NHSL2: variants seen among roughly 807,000 people sequenced by gnomAD.
NHSL2 encodes the protein NHS-like protein 2.
Under a neutral mutation model 53.4 loss-of-function variants are expected in NHSL2, and 27 were observed. The ratio of observed to expected loss-of-function variants is 0.51; its 90% CI spans 0.37 to 0.70. The LOEUF is 0.70. NHSL2 is among the 30% of genes least tolerant of loss of function. The probability of loss-of-function intolerance (pLI) is 0.00; values close to 1 mark genes in which losing one functional copy is unlikely to be tolerated. For missense variants in NHSL2, 892 were observed against 980.1 expected, an observed-to-expected ratio of 0.91 and a Z score of 1.20; for synonymous variants, 408 against 404.1, an observed-to-expected ratio of 1.01 and a Z score of -0.12.
chrX:71,964,029 A>ATATATATGTATATATATG lies in NHSL2; in HGVS notation c.280+52669_280+52670insGTATATATATGTATATAT, dbSNP rs1556312370. Among the ~76,000 whole-genome samples the ATATATATGTATATATATG allele has an allele frequency of 9.3e-3, 298 of 32,059 alleles. 14 individuals are homozygous for ATATATATGTATATATATG. The highest frequency in any genetic ancestry group is 0.05 in the African/African-American group (275 of 5,543). The allele number at this position is 32,059 out of a possible 115,157, so 27.8% of individuals were successfully genotyped here. On this transcript the variant is annotated intron_variant, in intron 1 of 7. Coordinates refer to ENST00000633930, the MANE Select transcript of NHSL2 (RefSeq NM_001013627.3). ...TATATATGTATATATATATATGTGT[A>ATATATATGTATATATATG]TATATATATATATGTATATATATAT... is the stretch of plus-strand genomic sequence containing the variant.
chrX:72,122,483 T>C (rs2042188957), intron 1 of NHSL2, among the ~76,000 whole-genome samples: 1 of 112,805 alleles, frequency 8.9e-6, no homozygotes, highest in African/African-American at 3.2e-5. Context: ...TTTGTTGTTA[T>C]TGCTGGTTTA....
chrX:72,093,314 C>A (rs183477001), intron 1 of NHSL2, among the ~76,000 whole-genome samples: 19 of 112,578 alleles, frequency 1.7e-4, no homozygotes, highest in African/African-American at 6.1e-4. Context: ...GAGTTCTAAT[C>A]TATTCTCTGG....
intron 1 of NHSL2, among the ~76,000 whole-genome samples, chrX:72,032,738 A>G (rs745711458): frequency 1.2e-3 from 138 of 111,185 alleles, no homozygotes; most frequent in Non-Finnish European, 2.3e-3. Context: ...GCTCACCTGT[A>G]GTCCCAGCTC....
rs189396355 is a variant in NHSL2 at position 72,046,234 on chromosome X, C to T, written c.281-85845C>T. Among the ~76,000 whole-genome samples the T allele has an allele frequency of 2.2e-3, 245 of 112,012 alleles. 1 individual carries two copies. Among genetic ancestry groups the T allele is most frequent in the Admixed American group, 3.5e-3 (37 of 10,609 alleles). ...GTCTGATAGGTAAAGGACAGAATCT[C>T]TTAGACAACACCAGGCAACCTGTCT... On this transcript the variant is annotated intron_variant, in intron 1 of 7. Coordinates refer to ENST00000633930, the MANE Select transcript of NHSL2 (RefSeq NM_001013627.3).
intron 1 of NHSL2, among the ~76,000 whole-genome samples, chrX:71,975,794 T>C (rs1415476246): frequency 1.8e-5 from 2 of 111,950 alleles, no homozygotes; most frequent in Non-Finnish European, 3.8e-5. Flanking sequence ...AGAAAGCTGC[T>C]GCTGGCCCTA....
In NHSL2 at chrX:72,134,425, T is replaced by A. The variant is rs1050813192; in HGVS notation, c.565-84T>A. 54 of 899,183 alleles carry A rather than the reference T, an allele frequency of 6.0e-5. No homozygotes were observed. The Admixed American group carries it at 1.0e-3, about 17-fold the overall frequency. 74.1% of individuals were successfully genotyped at this position (899,183 alleles called of 1,213,427 possible). A position where few individuals can be genotyped will look rare whatever the true frequency, so the allele number is the denominator to read the frequency against. On this transcript the variant is annotated intron_variant, in intron 3 of 7. Coordinates refer to ENST00000633930, the MANE Select transcript of NHSL2 (RefSeq NM_001013627.3). ...CTGCCTCCCAGACGAAGCCTCCAAC[T>A]ACCCAGCCTAAACAGCCACCCTATG...
intron 1 of NHSL2, among the ~76,000 whole-genome samples, chrX:72,122,956 C>T (rs1569482013): frequency 8.9e-6 from 1 of 112,750 alleles, no homozygotes; most frequent in African/African-American, 3.2e-5. Context: ...GTAACAAATT[C>T]ACTTTGGAGT....
intron 1 of NHSL2, chrX:72,044,476 T>G (rs940331065): frequency 4.0e-5 from 19 of 473,944 alleles, no homozygotes; most frequent in African/African-American, 3.9e-4. Flanking sequence ...CTGGATGGTT[T>G]GGGATCCCAC....
At chrX:72,112,596 G>A (rs996599798) in intron 1 of NHSL2, among the ~76,000 whole-genome samples, 1 of 112,212 alleles carries the variant, frequency 8.9e-6, no homozygotes, top group African/African-American at 3.2e-5. Flanking sequence ...CATAGAAATG[G>A]AGTCATATAA....
chrX:71,951,005 T>TAC (rs10527333), intron 1 of NHSL2, among the ~76,000 whole-genome samples: 24,130 of 89,410 alleles, frequency 0.27, 2,734 homozygotes, highest in South Asian at 0.42. Context: ...AAATACAAAA[T>TAC]ACACACACAC....
At chrX:72,020,160 A>G (rs974481460) in intron 1 of NHSL2, among the ~76,000 whole-genome samples, 3 of 112,900 alleles carry the variant, frequency 2.7e-5, no homozygotes, top group African/African-American at 9.7e-5. Context: ...ACAGGAAAGT[A>G]CAAAGAAGAA....
rs745962792 is a variant in NHSL2 at position 71,914,355 on chromosome X, TATA to T, written c.280+2991_280+2993del. ...TTCCAACTTCTCCCTTGGAGATCTATATAATGTTTGTAGGTGCTTAGATGATAA... is the reference window on the plus strand; with the variant it reads ...TTCCAACTTCTCCCTTGGAGATCTATATGTTTGTAGGTGCTTAGATGATAA... On this transcript the variant is annotated intron_variant, in intron 1 of 7. Transcript: ENST00000633930. 3.6e-5 allele frequency among the ~76,000 whole-genome samples: 4 copies of T among 112,529 alleles called. No homozygotes were observed. In the South Asian group the frequency reaches 1.5e-3, roughly 41 times the overall value.
rs2042331089 is a variant in NHSL2, at chrX:72,050,079, G to A, written c.281-82000G>A. Among the ~76,000 whole-genome samples, 3 of 108,646 alleles carry A rather than the reference G, an allele frequency of 2.8e-5. No homozygotes were observed. In the Admixed American group the frequency reaches 3.0e-4, roughly 11 times the overall value. The allele number at this position is 108,646 out of a possible 115,157, so 94.3% of individuals were successfully genotyped here. A position where few individuals can be genotyped will look rare whatever the true frequency, so the allele number is the denominator to read the frequency against. ...AACCCTCCTCCTCTCTCTCCCTCCA[G>A]AAGGCCTCGTGGTACTTAGACACCC... is the stretch of plus-strand genomic sequence containing the variant. On this transcript the variant is annotated intron_variant, in intron 1 of 7. Transcript: ENST00000633930.
intron 1 of NHSL2, among the ~76,000 whole-genome samples, chrX:72,071,908 CCT>C (rs1274512978): frequency 8.9e-6 from 1 of 112,162 alleles, no homozygotes; most frequent in East Asian, 2.8e-4. Flanking sequence ...CATCTGAGCC[CCT>C]CTCTTATCCT....
At position 72,139,501 on chromosome X, in the gene NHSL2, C is replaced by A. The variant is rs376034701; in HGVS notation, c.1953C>A (p.Ser651=). 2 of 1,209,080 alleles carry A rather than the reference C, an allele frequency of 1.7e-6. No individual in the cohort carries two copies. The highest frequency in any genetic ancestry group is 3.5e-5 in the African/African-American group (2 of 57,085). The change falls in exon 6 of 8, where the codon TCC becomes TCA. Residue 651 remains serine, a synonymous_variant. Transcript: ENST00000633930. ...GGAAGTCTGGTGACACCTACCAATC[C>A]CTGTCCAGCTCCAGCACTGCCACTG... ...TDWKSGDTYQ[S]LSSSSTATGT...
At chrX:72,027,846 G>T in intron 1 of NHSL2, 1 of 116,121 alleles carries the variant, frequency 8.6e-6, no homozygotes, top group South Asian at 2.8e-4. Context: ...GGGCTTTGGT[G>T]ACTCCACTAG....
intron 1 of NHSL2, among the ~76,000 whole-genome samples, chrX:72,009,639 AC>A (rs1261572677): frequency 8.9e-6 from 1 of 112,411 alleles, no homozygotes; most frequent in African/African-American, 3.2e-5. Flanking sequence ...CCAGCCCTCA[AC>A]ACCTCATATC....
intron 1 of NHSL2, among the ~76,000 whole-genome samples, chrX:71,972,090 A>G (rs1745028402): frequency 9.1e-6 from 1 of 109,773 alleles, no homozygotes; most frequent in Non-Finnish European, 1.9e-5. Flanking sequence ...GCTGGAGTGC[A>G]ATGGTATGAT....
chrX:72,009,564 T>C (rs901666107), intron 1 of NHSL2, among the ~76,000 whole-genome samples: 3 of 112,773 alleles, frequency 2.7e-5, no homozygotes, highest in Non-Finnish European at 5.6e-5. Flanking sequence ...CTTTTCAGTA[T>C]GTTTCAGTTT....
Sources: allele counts gnomAD v4.1 joint callset (sites outside exome capture counted in the v4.1 genomes callset), GRCh38; gene constraint gnomAD v4.1.1; transcripts MANE v1.5; gene names NCBI Gene and HGNC (gene_info 2026-07-23, HGNC 2026-07-21).